The following SYNE1 variants were observed in gnomAD, a reference collection of about 807,000 sequenced individuals.
SYNE1 encodes the protein spectrin repeat containing nuclear envelope protein 1, also known as nesprin-1.
A neutral mutation model predicts 1,111.0 loss-of-function variants in SYNE1; 616 were observed. That is an observed-to-expected ratio of 0.55 (90% CI 0.52 to 0.59). The LOEUF (loss-of-function observed/expected upper bound fraction) is 0.59. Among genes scored for constraint, SYNE1 ranks in the 20% least tolerant of loss-of-function variants. The pLI, the probability that SYNE1 is intolerant of heterozygous loss-of-function variation, is 0.00. For synonymous variants in SYNE1, 3,855 were observed against 3,825.8 expected (o/e 1.01, Z -0.28); for missense variants, 10,006 against 10,417.0 (o/e 0.96, Z 1.72).
In SYNE1 at chr6:152,468,527, T is replaced by C. The variant is rs1220780286; in HGVS notation, c.1633-2449A>G. 3.9e-5 allele frequency among the ~76,000 whole-genome samples: 6 copies of C among 152,212 alleles called. 1 individual carries two copies. Among genetic ancestry groups the C allele is most frequent in the African/African-American group, 1.4e-4 (6 of 41,464 alleles). ...ACTTACCAATGGCATGTGGCCTAAA[T>C]TAATGATAGAAAGGATTTGTGAAGT... On this transcript the variant is annotated intron_variant, in intron 16 of 145. Transcript: ENST00000367255.
In SYNE1 at chr6:152,362,418, G is replaced by A. The variant is rs563877981; in HGVS notation, c.10146-95C>T. The stretch of plus-strand genomic sequence containing the variant: ...TGCTCCATCCACTCCAGTAAGCAAG[G>A]GGTCAAGAGATCAGGAAGAAGCTTG... On this transcript the variant is annotated intron_variant, in intron 63 of 145. Transcript: ENST00000367255. 102 of 1,534,404 alleles carry A rather than the reference G, an allele frequency of 6.6e-5. No homozygotes were observed. The Middle Eastern group carries it at 2.0e-3, about 30-fold the overall frequency.
chr6:152,296,476 G>A (rs1345446460), intron 93 of SYNE1, among the ~76,000 whole-genome samples: 2 of 152,168 alleles, frequency 1.3e-5, no homozygotes, highest in Non-Finnish European at 2.9e-5. Flanking sequence ...TCTCACCTAA[G>A]CTATAAACTT....
intron 3 of SYNE1, among the ~76,000 whole-genome samples, chr6:152,550,545 T>A (rs1253439192): frequency 2.0e-5 from 3 of 151,328 alleles, no homozygotes; most frequent in African/African-American, 7.3e-5. Context: ...GAAGAATTTG[T>A]CATCTCGTAT....
At chr6:152,351,827 GAA>G (rs1020377660) in intron 70 of SYNE1, among the ~76,000 whole-genome samples, 198 bp downstream of exon 70, 7 of 152,094 alleles carry the variant, frequency 4.6e-5, no homozygotes, top group Non-Finnish European at 8.8e-5. Flanking sequence ...TCAGATCTCT[GAA>G]TGCAAAAATA....
intron 126 of SYNE1, among the ~76,000 whole-genome samples, chr6:152,202,906 A>C (rs1388011631): frequency 6.6e-6 from 1 of 152,250 alleles, no homozygotes; most frequent in Non-Finnish European, 1.5e-5. Flanking sequence ...GTAATATATA[A>C]AAACCCATGT....
chr6:152,151,817 A>G (rs1382933182), intron 134 of SYNE1, 127 bp from the exon 135 acceptor site: 1 of 1,484,784 alleles, frequency 6.7e-7, no homozygotes, highest in Non-Finnish European at 9.2e-7. Context: ...GAAGCCTGCA[A>G]TCCTTTGCTA....
chr6:152,334,347 C>T (rs1222564388), intron 76 of SYNE1, 74 bp from the exon 77 acceptor site: 18 of 1,535,482 alleles, frequency 1.2e-5, no homozygotes, highest in Non-Finnish European at 1.5e-5. Flanking sequence ...GCAACACAGA[C>T]ATAAGACCTT....
chr6:152,341,886 T>C (rs940310553), intron 74 of SYNE1, among the ~76,000 whole-genome samples: 1 of 152,202 alleles, frequency 6.6e-6, no homozygotes. Flanking sequence ...TGGTTTTGCT[T>C]ACAGTTTCAG....
At chr6:152,558,910 A>G (rs1408402543) in intron 3 of SYNE1, among the ~76,000 whole-genome samples, 1 of 152,126 alleles carries the variant, frequency 6.6e-6, no homozygotes, top group East Asian at 1.9e-4. Flanking sequence ...GTGCACACAG[A>G]CAATTCTCCA....
intron 45 of SYNE1, 70 bp downstream of exon 45, chr6:152,406,944 C>CTTTT: frequency 1.0e-6 from 1 of 967,406 alleles, no homozygotes; most frequent in Non-Finnish European, 1.4e-6. Context: ...TTAAGAAAGA[C>CTTTT]TTTTTTTTTT....
Position 152,219,042 on chromosome 6 carries a change from G to A in SYNE1, c.22005C>T (p.Ala7335=). ...DQLSLSQHLC[A]LEQALCKQQT... is the part of the protein sequence containing the mutation. Reference sequence around the variant, plus strand: ...GCTGTTTGCAGAGAGCTTGCTCCAGGGCACACAAGTGTTGACTCAAAGAGA... The same window carrying A: ...GCTGTTTGCAGAGAGCTTGCTCCAGAGCACACAAGTGTTGACTCAAAGAGA... Residue 7335 remains alanine, a synonymous_variant, in exon 120 of 146, where the codon GCC becomes GCT. Coordinates refer to ENST00000367255, the MANE Select transcript of SYNE1 (RefSeq NM_182961.4). The A allele has an allele frequency of 3.1e-6, 5 of 1,614,070 alleles. No individual in the cohort carries two copies. Among genetic ancestry groups the A allele is most frequent in the Non-Finnish European group, 3.4e-6 (4 of 1,180,006 alleles).
At chr6:152,335,955 G>A (rs2096378204) in intron 76 of SYNE1, 1 of 151,780 alleles carries the variant, frequency 6.6e-6, no homozygotes, top group East Asian at 1.9e-4. Flanking sequence ...CCAAAGTGCT[G>A]GGATTACAGG....
At chr6:152,214,801 A>G (rs2078257893) in intron 122 of SYNE1, 105 bp downstream of exon 122, 4 of 1,481,250 alleles carry the variant, frequency 2.7e-6, no homozygotes, top group African/African-American at 2.8e-5. Flanking sequence ...AGACTGTTCA[A>G]CATTTCTGTT....
chr6:152,453,764 A>T (rs1303125094), intron 24 of SYNE1, 44 bp from the exon 25 acceptor site: 1 of 1,613,568 alleles, frequency 6.2e-7, no homozygotes, highest in East Asian at 2.2e-5. Flanking sequence ...GGACAGACGA[A>T]AAGGCAGCAC....
rs754407931 is a variant in SYNE1 at position 152,323,654 on chromosome 6, G to T, written c.15741C>A (p.Leu5247=). 3 of 1,614,208 alleles carry T rather than the reference G, an allele frequency of 1.9e-6. No homozygotes were observed. In the Admixed American group the frequency reaches 5.0e-5, roughly 27 times the overall value. Residue 5247 remains leucine, a synonymous_variant, in exon 82 of 146, where the codon CTC becomes CTA. Transcript: ENST00000367255. ...SSAEKASKAE[L]LTLLEYHDTF... Reference sequence around the variant, plus strand: ...TGTCGTGGTATTCAAGAAGAGTTAAGAGCTCTGCTTTCGATGCTTTCTCTG... The same window carrying T: ...TGTCGTGGTATTCAAGAAGAGTTAATAGCTCTGCTTTCGATGCTTTCTCTG...
intron 28 of SYNE1, among the ~76,000 whole-genome samples, chr6:152,448,447 T>G (rs192809329): frequency 1.4e-4 from 21 of 152,320 alleles, no homozygotes; most frequent in Admixed American, 9.8e-4. Flanking sequence ...GAATTTTTTT[T>G]TGTGCGATGC....
intron 7 of SYNE1, 50 bp downstream of exon 7, chr6:152,510,961 T>C (rs1277867960): frequency 6.6e-7 from 1 of 1,524,618 alleles, no homozygotes; most frequent in South Asian, 1.1e-5. Context: ...GCCACCATGA[T>C]CTCCCTCTGA....
At chr6:152,535,453 G>A (rs1488991886) in intron 4 of SYNE1, among the ~76,000 whole-genome samples, 1 of 152,060 alleles carries the variant, frequency 6.6e-6, no homozygotes, top group Non-Finnish European at 1.5e-5. Context: ...ATAAATTTTA[G>A]GCTGACAGAA....
chr6:152,264,576 C>G (rs1174207705), intron 100 of SYNE1, among the ~76,000 whole-genome samples: 2 of 152,066 alleles, frequency 1.3e-5, no homozygotes, highest in Non-Finnish European at 2.9e-5. Context: ...GCAAGAGGAT[C>G]ACTTGAGCCC....
Sources: gnomAD v4.1 joint callset for allele counts (sites outside exome capture counted in the v4.1 genomes callset) on GRCh38, gnomAD v4.1.1 for gene constraint, MANE v1.5 for transcripts, NCBI Gene and HGNC (gene_info 2026-07-23, HGNC 2026-07-21) for gene names.